KIF15: variants seen among roughly 807,000 people sequenced by gnomAD.
KIF15 encodes the protein kinesin family member 15.
In KIF15, 140 loss-of-function variants were observed where a neutral mutation model predicts 190.6. The ratio of observed to expected loss-of-function variants is 0.73; its 90% CI spans 0.64 to 0.84. KIF15 has a LOEUF of 0.84. Among genes scored for constraint, KIF15 ranks in the 40% least tolerant of loss-of-function variants. The pLI is 0.00. For synonymous variants in KIF15, 528 were observed against 551.3 expected, an observed-to-expected ratio of 0.96 and a Z score of 0.59; for missense variants, 1,372 against 1,584.4, an observed-to-expected ratio of 0.87 and a Z score of 2.28.
At chr3:44,813,287 G>C (rs776027339) in intron 19 of KIF15, 107 bp downstream of exon 19, 10 of 621,676 alleles carry the variant, frequency 1.6e-5, no homozygotes, top group Non-Finnish European at 2.4e-5. Flanking sequence ...TGGTTGCTTT[G>C]TTGTTGTTGT....
rs1707270657 is a variant in KIF15, at chr3:44,801,377, T to G, written c.1223-73T>G. 9.1e-6 allele frequency: 8 copies of G among 878,768 alleles called. No individual in the cohort carries two copies. The Admixed American group carries it at 1.6e-4, about 18-fold the overall frequency. 54.4% of individuals were successfully genotyped at this position (878,768 alleles called of 1,614,324 possible). ...TAGTTGAGAGCAATCAATTAAAGGC[T>G]ATCTGTTCTCTTGGTTTTGCAATGT... On this transcript the variant is annotated intron_variant, in intron 11 of 34. Transcript: ENST00000326047.
chr3:44,858,391 A>G (rs1256175378), intron 6 of KIF15, among the ~76,000 whole-genome samples: 1 of 152,174 alleles, frequency 6.6e-6, no homozygotes, highest in Non-Finnish European at 1.5e-5. Context: ...ACAGGCTTTA[A>G]TCCCCTTAAA....
intron 26 of KIF15, among the ~76,000 whole-genome samples, chr3:44,834,994 AAAT>A (rs1243907909): frequency 6.7e-6 from 1 of 149,122 alleles, no homozygotes; most frequent in African/African-American, 2.4e-5. Flanking sequence ...GTTATAATTA[AAAT>A]AATATATAAT....
chr3:44,830,764 C>T (rs1698029477), intron 25 of KIF15, 132 bp from the exon 26 acceptor site: 4 of 847,040 alleles, frequency 4.7e-6, no homozygotes, highest in Non-Finnish European at 7.1e-6. Context: ...TCTATTCCTT[C>T]AGTCAGCAAG....
At chr3:44,829,250 G>A (rs1286205065) in intron 24 of KIF15, among the ~76,000 whole-genome samples, 4 of 150,538 alleles carry the variant, frequency 2.7e-5, no homozygotes, top group South Asian at 2.1e-4. Flanking sequence ...CCAGCTACTC[G>A]AGAGGCTGAG....
chr3:44,850,873 T>G (rs980560435), intron 32 of KIF15, among the ~76,000 whole-genome samples: 2 of 152,226 alleles, frequency 1.3e-5, no homozygotes, highest in Non-Finnish European at 1.5e-5. Flanking sequence ...GTGTATTATA[T>G]CATTTCAGTA....
chr3:44,820,267 A>C (rs1363541512), intron 20 of KIF15, among the ~76,000 whole-genome samples: 3 of 150,238 alleles, frequency 2.0e-5, no homozygotes, highest in Admixed American at 1.3e-4. Flanking sequence ...GTTATGTGTG[A>C]ATTTGATCCT....
intron 30 of KIF15, among the ~76,000 whole-genome samples, chr3:44,844,173 C>T (rs1223443353): frequency 6.6e-6 from 1 of 152,194 alleles, no homozygotes; most frequent in African/African-American, 2.4e-5. Flanking sequence ...TGCACTCCTG[C>T]AGCTCCCTGG....
intron 32 of KIF15, among the ~76,000 whole-genome samples, chr3:44,851,078 C>T: frequency 6.6e-6 from 1 of 152,182 alleles, no homozygotes; most frequent in Non-Finnish European, 1.5e-5. Context: ...GCCTGGGCAA[C>T]ATAGCAAGAC....
chr3:44,763,887 C>T (rs1046444292), intron 1 of KIF15, among the ~76,000 whole-genome samples: 2 of 151,832 alleles, frequency 1.3e-5, no homozygotes, highest in Admixed American at 6.6e-5. Flanking sequence ...AGGGTTTCAC[C>T]ATGTTGCCCA....
In KIF15 at chr3:44,775,188, C is replaced by T. The variant is rs149699003; in HGVS notation, c.63-66C>T. The T allele has an allele frequency of 1.3e-5, 17 of 1,302,892 alleles. 1 individual carries two copies. The South Asian group carries it at 1.9e-4, about 15-fold the overall frequency. 80.7% of individuals were successfully genotyped at this position (1,302,892 alleles called of 1,614,324 possible). A position where few individuals can be genotyped will look rare whatever the true frequency, so the allele number is the denominator to read the frequency against. ...TAGAAACATTATAGGCAATATGAGA[C>T]TTGGATCCTTTTTCAGTTTTCTTCT... On this transcript the variant is annotated intron_variant, in intron 2 of 34. Coordinates refer to ENST00000326047, the MANE Select transcript of KIF15 (RefSeq NM_020242.3).
intron 6 of KIF15, chr3:44,864,343 G>GGTGA: frequency 1.2e-6 from 2 of 1,614,050 alleles, no homozygotes; most frequent in Non-Finnish European, 1.7e-6. Flanking sequence ...TCCTCAGCTC[G>GGTGA]GTGAGTAGCC....
intron 1 of KIF15, 27 bp from the exon 2 acceptor site, chr3:44,774,368 A>C: frequency 6.2e-7 from 1 of 1,601,268 alleles, no homozygotes; most frequent in Non-Finnish European, 8.5e-7. Context: ...AATTTAAATG[A>C]CCTTTAATAA....
chr3:44,857,337 C>T (rs1699199379), downstream of KIF15, among the ~76,000 whole-genome samples: 1 of 152,152 alleles, frequency 6.6e-6, no homozygotes, highest in African/African-American at 2.4e-5. Flanking sequence ...GTGAGTTGAG[C>T]ATAGTTTGTG....
chr3:44,864,468 C>T (rs1362730038), intron 6 of KIF15: 2 of 1,203,390 alleles, frequency 1.7e-6, no homozygotes, highest in African/African-American at 1.5e-5. Context: ...TGGGCTGTGG[C>T]TTGACCCCTG....
chr3:44,762,052 G>A (rs1311153107), intron 1 of KIF15, among the ~76,000 whole-genome samples, 168 bp downstream of exon 1: 2 of 152,330 alleles, frequency 1.3e-5, no homozygotes, highest in South Asian at 2.1e-4. Context: ...AAGACAATAC[G>A]CTAGCCGAAA....
At chr3:44,762,721 TGTA>T (rs1705205649) in intron 1 of KIF15, among the ~76,000 whole-genome samples, 1 of 152,218 alleles carries the variant, frequency 6.6e-6, no homozygotes, top group Non-Finnish European at 1.5e-5. Flanking sequence ...TTCTGTCAAT[TGTA>T]GTCGTTTTTG....
chr3:44,825,395 A>G (rs142619293), intron 20 of KIF15, among the ~76,000 whole-genome samples: 5 of 152,280 alleles, frequency 3.3e-5, no homozygotes, highest in African/African-American at 9.6e-5. Flanking sequence ...TTCCATATAT[A>G]ATAACCTTCT....
chr3:44,795,751 A>T lies in KIF15; in HGVS notation c.849+1325A>T, dbSNP rs866351864. ...GTAGAGTCTATAGTTTAGAATATAC[A>T]TGGGCAAGGGGAGAGGAATTGGAAA... On this transcript the variant is annotated intron_variant, in intron 8 of 34. Coordinates refer to ENST00000326047, the MANE Select transcript of KIF15 (RefSeq NM_020242.3). Among the ~76,000 whole-genome samples the T allele has an allele frequency of 6.6e-5, 10 of 152,308 alleles. No homozygotes were observed. The South Asian group carries it at 1.9e-3, about 28-fold the overall frequency.
Sources: gnomAD v4.1 joint callset for allele counts (sites outside exome capture counted in the v4.1 genomes callset) on GRCh38, gnomAD v4.1.1 for gene constraint, MANE v1.5 for transcripts, NCBI Gene and HGNC (gene_info 2026-07-23, HGNC 2026-07-21) for gene names.